PCDH7: variants seen among roughly 807,000 people sequenced by gnomAD.
PCDH7 encodes protocadherin-7.
A neutral mutation model predicts 58.9 loss-of-function variants in PCDH7; 17 were observed. That is an observed-to-expected ratio of 0.29 (90% CI 0.20 to 0.43). The LOEUF is 0.43. PCDH7 is among the 20% of genes least tolerant of loss of function. The pLI, the probability that PCDH7 is intolerant of heterozygous loss-of-function variation, is 1.00. For synonymous variants in PCDH7, 664 were observed against 616.4 expected (o/e 1.08, Z -1.14); for missense variants, 1,274 against 1,441.0 (o/e 0.88, Z 1.88).
chr4:30,898,561 T>C (rs1030691941), intron 1 of PCDH7, among the ~76,000 whole-genome samples: 1 of 152,200 alleles, frequency 6.6e-6, no homozygotes, highest in African/African-American at 2.4e-5. Flanking sequence ...CTAGAATTAC[T>C]AAACGCACAT....
chr4:30,905,345 T>A (rs1031800872), intron 1 of PCDH7, among the ~76,000 whole-genome samples: 1 of 152,120 alleles, frequency 6.6e-6, no homozygotes, highest in South Asian at 2.1e-4. Context: ...TAATTTACCA[T>A]GTAGGTTTAT....
intron 3 of PCDH7, among the ~76,000 whole-genome samples, chr4:31,124,760 G>A (rs1718095899): frequency 6.6e-6 from 1 of 152,266 alleles, no homozygotes; most frequent in Non-Finnish European, 1.5e-5. Flanking sequence ...TAAGAAATCT[G>A]TACATTCTTT....
chr4:31,082,621 T>C (rs1711647178), intron 3 of PCDH7, among the ~76,000 whole-genome samples: 1 of 152,216 alleles, frequency 6.6e-6, no homozygotes, highest in African/African-American at 2.4e-5. Context: ...TAATGTCTTC[T>C]GCAGCAACTT....
chr4:30,878,925 T>G (rs1373787387), intron 1 of PCDH7, among the ~76,000 whole-genome samples: 1 of 152,178 alleles, frequency 6.6e-6, no homozygotes, highest in African/African-American at 2.4e-5. Flanking sequence ...TTCTTTTCGT[T>G]GTTGTTTGCA....
At chr4:30,945,537 T>A (rs1414644506) in intron 2 of PCDH7, among the ~76,000 whole-genome samples, 3 of 152,152 alleles carry the variant, frequency 2.0e-5, no homozygotes, top group Non-Finnish European at 4.4e-5. Context: ...AACTCATTTA[T>A]AATTCTTACT....
chr4:30,864,801 G>A (rs1203582499), intron 1 of PCDH7, among the ~76,000 whole-genome samples: 4 of 151,950 alleles, frequency 2.6e-5, no homozygotes, highest in Non-Finnish European at 4.4e-5. Flanking sequence ...CTCACAGGCT[G>A]GATTAGGGGT....
chr4:30,773,001 A>G (rs1445837113), intron 1 of PCDH7, among the ~76,000 whole-genome samples: 1 of 152,172 alleles, frequency 6.6e-6, no homozygotes, highest in East Asian at 1.9e-4. Context: ...TCCCAGGTTC[A>G]AGTGATTCTC....
chr4:30,935,435 T>C (rs887985097), intron 2 of PCDH7: 4 of 284,354 alleles, frequency 1.4e-5, no homozygotes, highest in Admixed American at 1.3e-4. Flanking sequence ...CATGAACAAG[T>C]TCCAGTATTT....
chr4:31,085,717 A>G (rs1159111552), intron 3 of PCDH7, among the ~76,000 whole-genome samples: 2 of 152,170 alleles, frequency 1.3e-5, no homozygotes, highest in African/African-American at 2.4e-5. Context: ...GTTTTCATCA[A>G]CTTTCCTAAT....
At chr4:31,105,932 G>A (rs928197674) in intron 3 of PCDH7, among the ~76,000 whole-genome samples, 35 of 151,596 alleles carry the variant, frequency 2.3e-4, no homozygotes, top group Admixed American at 1.4e-3. Context: ...GCGTGAACCC[G>A]GGAGGCAGAG....
chr4:30,735,467 G>A (rs1325307940), downstream of PCDH7, among the ~76,000 whole-genome samples: 1 of 152,130 alleles, frequency 6.6e-6, no homozygotes, highest in Non-Finnish European at 1.5e-5. Flanking sequence ...TCACTTCTGA[G>A]CAGCCCAGAA....
chr4:31,035,797 A>T (rs1387551301), intron 3 of PCDH7, among the ~76,000 whole-genome samples: 2 of 152,160 alleles, frequency 1.3e-5, no homozygotes, highest in Non-Finnish European at 2.9e-5. Context: ...GTTTTCTTTA[A>T]AGTTCCTTGA....
chr4:31,084,805 A>G (rs995473583), intron 3 of PCDH7, among the ~76,000 whole-genome samples: 1 of 147,894 alleles, frequency 6.8e-6, no homozygotes, highest in African/African-American at 2.5e-5. Flanking sequence ...GGAGGAGACT[A>G]GAGGAGAGGC....
intron 1 of PCDH7, among the ~76,000 whole-genome samples, chr4:30,821,796 A>G (rs1157388587): frequency 1.3e-5 from 2 of 152,136 alleles, no homozygotes; most frequent in African/African-American, 4.8e-5. Context: ...TTTTTATTTA[A>G]ACTCAAACCC....
At chr4:30,898,916 C>G (rs1206441977) in intron 1 of PCDH7, among the ~76,000 whole-genome samples, 1 of 151,846 alleles carries the variant, frequency 6.6e-6, no homozygotes. Flanking sequence ...TTAGCAAATG[C>G]CTTTTTTTTT....
chr4:30,877,039 A>AT (rs1294148149), intron 1 of PCDH7, among the ~76,000 whole-genome samples: 1 of 151,922 alleles, frequency 6.6e-6, no homozygotes, highest in East Asian at 1.9e-4. Context: ...CTTGTTTTCA[A>AT]TTTTTTTCCT....
chr4:31,009,401 G>A (rs1442210825), intron 3 of PCDH7, among the ~76,000 whole-genome samples: 1 of 151,914 alleles, frequency 6.6e-6, no homozygotes, highest in African/African-American at 2.4e-5. Flanking sequence ...TATTAAGAAT[G>A]AAGGTGTGCA....
intron 1 of PCDH7, among the ~76,000 whole-genome samples, chr4:30,874,346 C>A (rs1935476953): frequency 6.6e-6 from 1 of 151,946 alleles, no homozygotes. Flanking sequence ...ACATATACAC[C>A]ATGGAATACT....
At chr4:30,793,410 A>G (rs966953543) in intron 1 of PCDH7, among the ~76,000 whole-genome samples, 2 of 152,198 alleles carry the variant, frequency 1.3e-5, no homozygotes, top group African/African-American at 4.8e-5. Context: ...AGTTAAAACA[A>G]AGTAATACAA....
Sources: allele counts gnomAD v4.1 joint callset (sites outside exome capture counted in the v4.1 genomes callset), GRCh38; gene constraint gnomAD v4.1.1; transcripts MANE v1.5; gene names NCBI Gene and HGNC (gene_info 2026-07-23, HGNC 2026-07-21).